The following HPSE2 variants were observed in gnomAD, a reference collection of about 807,000 sequenced individuals.
HPSE2 encodes inactive heparanase-2.
Under a neutral mutation model 60.5 loss-of-function variants are expected in HPSE2, and 38 were observed. The ratio of observed to expected loss-of-function variants is 0.63; its 90% CI spans 0.48 to 0.82. The LOEUF is 0.82. HPSE2 is among the 40% of genes least tolerant of loss of function. The pLI, the probability that HPSE2 is intolerant of heterozygous loss-of-function variation, is 0.00. For synonymous variants in HPSE2, 295 were observed against 293.2 expected, an observed-to-expected ratio of 1.01 and a Z score of -0.06; for missense variants, 713 against 740.4, an observed-to-expected ratio of 0.96 and a Z score of 0.43.
intron 2 of HPSE2, among the ~76,000 whole-genome samples, chr10:99,202,268 T>G (rs573627085): frequency 1.3e-5 from 2 of 152,304 alleles, no homozygotes; most frequent in South Asian, 4.1e-4. Flanking sequence ...TCAGGCATCA[T>G]TATTTGATAC....
At chr10:98,731,156 C>G (rs374781783) in intron 4 of HPSE2, among the ~76,000 whole-genome samples, 1 of 152,080 alleles carries the variant, frequency 6.6e-6, no homozygotes, top group African/African-American at 2.4e-5. Context: ...ATTAGAGGTG[C>G]ACACCTGTAA....
At chr10:98,903,748 G>A (rs1207416506) in intron 3 of HPSE2, among the ~76,000 whole-genome samples, 2 of 151,892 alleles carry the variant, frequency 1.3e-5, no homozygotes, top group Admixed American at 6.6e-5. Context: ...TCTGTTAAAC[G>A]CCTAAAGTAC....
rs1211137988 is a variant in HPSE2, at chr10:98,690,678, G to GT, written c.1004+3221dup. ...TGCCTTTTTTGGTCATAAGCCAGTG[G>GT]TTTTTTTTTTAATACTTTATATTTT... On this transcript the variant is annotated intron_variant, in intron 6 of 11. Transcript: ENST00000370552. Among the ~76,000 whole-genome samples the GT allele has an allele frequency of 4.7e-3, 702 of 148,566 alleles. 7 individuals are homozygous for GT. Among genetic ancestry groups the GT allele is most frequent in the African/African-American group, 0.015 (607 of 40,596 alleles).
At chr10:98,529,103 C>T (rs567047719) in intron 9 of HPSE2, among the ~76,000 whole-genome samples, 50 of 152,352 alleles carry the variant, frequency 3.3e-4, no homozygotes, top group African/African-American at 1.1e-3. Context: ...CAAACTCTTA[C>T]TCAACCAACA....
chr10:99,138,509 A>G, intron 3 of HPSE2, among the ~76,000 whole-genome samples: 1 of 152,242 alleles, frequency 6.6e-6, no homozygotes, highest in Non-Finnish European at 1.5e-5. Context: ...CATCCATAAT[A>G]GACTGTATAA....
chr10:98,516,439 T>C (rs1216176679), intron 9 of HPSE2, among the ~76,000 whole-genome samples: 1 of 152,184 alleles, frequency 6.6e-6, no homozygotes, highest in African/African-American at 2.4e-5. Context: ...ATAAAAAACG[T>C]TGCCAGAATT....
At chr10:98,820,038 T>C (rs1174822922) in intron 3 of HPSE2, among the ~76,000 whole-genome samples, 1 of 152,172 alleles carries the variant, frequency 6.6e-6, no homozygotes, top group Non-Finnish European at 1.5e-5. Context: ...ACTTTTATAT[T>C]ACTTTTTTAA....
At chr10:98,876,156 T>G (rs1002842449) in intron 3 of HPSE2, among the ~76,000 whole-genome samples, 2 of 151,970 alleles carry the variant, frequency 1.3e-5, no homozygotes, top group African/African-American at 4.8e-5. Flanking sequence ...CTATTGTACT[T>G]ACTTTTAGGA....
chr10:99,294,306 A>G, the HPSE2 span, among the ~76,000 whole-genome samples: 1 of 148,824 alleles, frequency 6.7e-6, no homozygotes, highest in Non-Finnish European at 1.5e-5. Flanking sequence ...AGAGAGAGAG[A>G]TGAGCTGTGC....
At chr10:98,687,772 G>A (rs932021160) in intron 6 of HPSE2, among the ~76,000 whole-genome samples, 1 of 152,024 alleles carries the variant, frequency 6.6e-6, no homozygotes, top group African/African-American at 2.4e-5. Flanking sequence ...AGCCTCACCA[G>A]CTTTTTATGA....
intron 3 of HPSE2, among the ~76,000 whole-genome samples, chr10:98,937,067 C>A (rs1398039453): frequency 7.5e-6 from 1 of 133,906 alleles, no homozygotes; most frequent in Non-Finnish European, 1.5e-5. Flanking sequence ...CAACAATATA[C>A]AATAACGTTT....
At chr10:98,664,575 T>G (rs1049383588) in intron 6 of HPSE2, among the ~76,000 whole-genome samples, 2 of 152,098 alleles carry the variant, frequency 1.3e-5, no homozygotes, top group Admixed American at 6.5e-5. Flanking sequence ...CAGAGCACTA[T>G]CGACAATGCG....
intron 3 of HPSE2, among the ~76,000 whole-genome samples, chr10:99,020,770 C>T (rs940516239): frequency 6.6e-6 from 1 of 152,070 alleles, no homozygotes. Context: ...TCCCTACCCA[C>T]AGTGAAAAAG....
chr10:98,847,915 C>A (rs557450987), intron 3 of HPSE2, among the ~76,000 whole-genome samples: 59 of 152,236 alleles, frequency 3.9e-4, no homozygotes, highest in Non-Finnish European at 6.8e-4. Flanking sequence ...TGTGGCTCAA[C>A]TGGGATGGGA....
intron 3 of HPSE2, among the ~76,000 whole-genome samples, chr10:99,005,790 T>C (rs1267566154): frequency 6.6e-6 from 1 of 152,208 alleles, no homozygotes; most frequent in Non-Finnish European, 1.5e-5. Context: ...CTCTAGTTTT[T>C]GCTGACTGGC....
intron 3 of HPSE2, among the ~76,000 whole-genome samples, chr10:98,873,118 G>T (rs144485188): frequency 1.2e-3 from 180 of 152,060 alleles, no homozygotes; most frequent in South Asian, 3.1e-3. Flanking sequence ...AGCATAGGAC[G>T]TATAATTTTA....
At chr10:98,482,060 T>A (rs1413345089) in intron 11 of HPSE2, among the ~76,000 whole-genome samples, 3 of 152,292 alleles carry the variant, frequency 2.0e-5, no homozygotes, top group African/African-American at 7.2e-5. Flanking sequence ...TGTCCTATTA[T>A]TCAGATGAAG....
intron 3 of HPSE2, among the ~76,000 whole-genome samples, chr10:98,869,682 A>G (rs1277854813): frequency 6.6e-6 from 1 of 152,212 alleles, no homozygotes. Flanking sequence ...AGTAGTGCCC[A>G]GGGAGAACCA....
intron 9 of HPSE2, among the ~76,000 whole-genome samples, chr10:98,545,421 T>A (rs943638887): frequency 6.6e-6 from 1 of 151,956 alleles, no homozygotes; most frequent in Middle Eastern, 3.2e-3. Context: ...TACTGGCAAA[T>A]CGAATCCAGC....
Sources: allele counts gnomAD v4.1 joint callset (sites outside exome capture counted in the v4.1 genomes callset), GRCh38; gene constraint gnomAD v4.1.1; transcripts MANE v1.5; gene names NCBI Gene and HGNC (gene_info 2026-07-23, HGNC 2026-07-21).